The following DLC1 variants were observed in gnomAD, a reference collection of about 807,000 sequenced individuals.
The protein encoded by DLC1 is rho GTPase-activating protein 7.
A neutral mutation model predicts 140.3 loss-of-function variants in DLC1; 54 were observed. The observed-to-expected ratio is 0.38, with a 90% CI of 0.31 to 0.48. DLC1 has a LOEUF of 0.48. Ranked by LOEUF, DLC1 falls within the 20% of genes least tolerant of loss-of-function variation. DLC1 has a pLI of 0.96. For synonymous variants in DLC1, 986 were observed against 728.1 expected (o/e 1.35, Z -5.70); for missense variants, 2,536 against 1,907.0 (o/e 1.33, Z -6.14).
At chr8:13,211,422 G>A (rs1292512153) in intron 5 of DLC1, among the ~76,000 whole-genome samples, 4 of 152,100 alleles carry the variant, frequency 2.6e-5, no homozygotes. Context: ...GTACACTGTT[G>A]CTCTAATGAA....
chr8:13,339,212 A>G (rs1274125134), intron 4 of DLC1, among the ~76,000 whole-genome samples: 1 of 152,178 alleles, frequency 6.6e-6, no homozygotes, highest in African/African-American at 2.4e-5. Context: ...GTAAGAAAAA[A>G]TTTCAAAGTT....
rs542391547 is a variant in DLC1, at chr8:13,586,221, G to A, written c.-126+18316C>T. 4.6e-5 allele frequency among the ~76,000 whole-genome samples: 7 copies of A among 152,272 alleles called. No individual in the cohort carries two copies. In the South Asian group the frequency reaches 1.5e-3, roughly 32 times the overall value. On this transcript the variant is annotated intron_variant, in intron 1 of 1. Transcript: ENST00000631382. ...ATGATGACTGTTTTAAGGTGGTAAGGCTTGAGGCAGGAAGGGCAATTTGGA... is the reference window on the plus strand; with the variant it reads ...ATGATGACTGTTTTAAGGTGGTAAGACTTGAGGCAGGAAGGGCAATTTGGA...
chr8:13,273,764 G>A (rs1251822850), intron 5 of DLC1, among the ~76,000 whole-genome samples: 1 of 150,142 alleles, frequency 6.7e-6, no homozygotes, highest in Non-Finnish European at 1.5e-5. Flanking sequence ...GACAGGGAGG[G>A]AGGGAGCAAG....
chr8:13,462,500 T>G (rs112264656), intron 2 of DLC1, among the ~76,000 whole-genome samples: 11,659 of 151,008 alleles, frequency 0.077, 606 homozygotes, highest in East Asian at 0.15. Context: ...GCCTCCCAGG[T>G]TCACGCCATT....
At position 13,185,289 on chromosome 8, in the gene DLC1, TTTG is replaced by T. The variant is rs373606275; in HGVS notation, c.1349-69635_1349-69633del. 2.5e-4 allele frequency among the ~76,000 whole-genome samples: 31 copies of T among 124,016 alleles called. No individual in the cohort carries two copies. In the South Asian group the frequency reaches 2.9e-3, roughly 12 times the overall value. The allele number at this position is 124,016 out of a possible 152,430, so 81.4% of individuals were successfully genotyped here. On this transcript the variant is annotated intron_variant, in intron 5 of 17. Coordinates refer to ENST00000276297, the MANE Select transcript of DLC1 (RefSeq NM_182643.3). Reference sequence around the variant, plus strand: ...GCCAGTCTGTGTCTTTTCTGTTTTTTTTGTTTGTTTGTTTGTTTGTTTGTTTGT... The same window carrying T: ...GCCAGTCTGTGTCTTTTCTGTTTTTTTTTGTTTGTTTGTTTGTTTGTTTGT...
intron 2 of DLC1, among the ~76,000 whole-genome samples, chr8:13,433,268 G>A (rs1838969763): frequency 6.6e-6 from 1 of 152,118 alleles, no homozygotes; most frequent in South Asian, 2.1e-4. Flanking sequence ...TAAAAATGGC[G>A]AGGCTCTTAC....
At chr8:13,466,729 T>A (rs556735311) in intron 2 of DLC1, among the ~76,000 whole-genome samples, 1 of 152,336 alleles carries the variant, frequency 6.6e-6, no homozygotes, top group South Asian at 2.1e-4. Flanking sequence ...TCCTAACTGA[T>A]CTTCCTGGAT....
chr8:13,251,557 C>T (rs549550429), intron 5 of DLC1, among the ~76,000 whole-genome samples: 2 of 152,270 alleles, frequency 1.3e-5, no homozygotes, highest in South Asian at 4.2e-4. Context: ...TGCATTGAGG[C>T]AAGGTCCTTG....
At chr8:13,120,356 A>AAAAAAAAAAAAAAAAAAATATATATATAT in intron 5 of DLC1, among the ~76,000 whole-genome samples, 2 of 61,122 alleles carry the variant, frequency 3.3e-5, no homozygotes, top group African/African-American at 8.3e-5. Context: ...AAAAAAAAAA[A>AAAAAAAAAAAAAAAAAAATATATATATAT]ATATATATAT....
intron 4 of DLC1, among the ~76,000 whole-genome samples, chr8:13,312,386 A>AAAAAATAATAATAAT (rs71207139): frequency 1.2e-5 from 1 of 81,680 alleles, no homozygotes; most frequent in African/African-American, 4.5e-5. Context: ...AAAAAAAAAA[A>AAAAAATAATAATAAT]AATAATTTCT....
intron 5 of DLC1, among the ~76,000 whole-genome samples, chr8:13,187,629 A>G (rs1001803042): frequency 6.6e-6 from 1 of 152,220 alleles, no homozygotes; most frequent in Non-Finnish European, 1.5e-5. Flanking sequence ...TAGACTATAT[A>G]TTACTTAAAA....
intron 5 of DLC1, among the ~76,000 whole-genome samples, chr8:13,222,402 T>C (rs557105619): frequency 6.6e-6 from 1 of 152,318 alleles, no homozygotes; most frequent in Non-Finnish European, 1.5e-5. Flanking sequence ...CAGTATTTCA[T>C]TGATTATACT....
chr8:13,462,897 T>C (rs1323455988), intron 2 of DLC1, among the ~76,000 whole-genome samples: 3 of 152,174 alleles, frequency 2.0e-5, no homozygotes, highest in Admixed American at 2.0e-4. Flanking sequence ...TCAGTTGCTA[T>C]AGCTACCCCT....
chr8:13,276,693 A>C, intron 5 of DLC1: 2 of 850,110 alleles, frequency 2.4e-6, no homozygotes, highest in Non-Finnish European at 1.5e-6. Flanking sequence ...CCAATGACTC[A>C]CCTGGGTCCG....
chr8:13,174,089 C>A (rs1301062770), intron 5 of DLC1, among the ~76,000 whole-genome samples: 1 of 152,088 alleles, frequency 6.6e-6, no homozygotes, highest in African/African-American at 2.4e-5. Context: ...GTTTAGGGCC[C>A]ACTTATGAGT....
At chr8:13,204,920 G>A (rs1025520807) in intron 5 of DLC1, among the ~76,000 whole-genome samples, 13 of 152,144 alleles carry the variant, frequency 8.5e-5, no homozygotes, top group Non-Finnish European at 5.9e-5. Flanking sequence ...TCTGGTACAA[G>A]CACCTGTCTT....
chr8:13,603,316 G>A (rs974562774), intron 1 of DLC1, among the ~76,000 whole-genome samples: 1 of 151,600 alleles, frequency 6.6e-6, no homozygotes, highest in African/African-American at 2.4e-5. Context: ...ACGAGTCTTG[G>A]TAATATTAAA....
At chr8:13,110,343 G>A (rs1303249860) in intron 7 of DLC1, among the ~76,000 whole-genome samples, 1 of 152,182 alleles carries the variant, frequency 6.6e-6, no homozygotes, top group Admixed American at 6.5e-5. Flanking sequence ...TGAAGAGGTT[G>A]AGAGGAGCGT....
intron 1 of DLC1, among the ~76,000 whole-genome samples, chr8:13,525,669 A>C (rs1262727336): frequency 6.6e-6 from 1 of 152,098 alleles, no homozygotes; most frequent in Non-Finnish European, 1.5e-5. Context: ...CCATTTTCCA[A>C]AATTGGTTTG....
Sources: allele counts gnomAD v4.1 joint callset (sites outside exome capture counted in the v4.1 genomes callset), GRCh38; gene constraint gnomAD v4.1.1; transcripts MANE v1.5; gene names NCBI Gene and HGNC (gene_info 2026-07-23, HGNC 2026-07-21).